The following LIPC variants were observed in gnomAD, a reference collection of about 807,000 sequenced individuals.
LIPC encodes the protein lipase C, hepatic type, also known as hepatic triacylglycerol lipase.
A neutral mutation model predicts 50.7 loss-of-function variants in LIPC; 44 were observed. That is an observed-to-expected ratio of 0.87 (90% CI 0.68 to 1.11). The LOEUF (loss-of-function observed/expected upper bound fraction) is 1.11, where lower values mean the gene tolerates loss of function less well. Among genes scored for constraint, LIPC ranks in the 50% most tolerant of loss-of-function variants. The pLI, the probability that LIPC is intolerant of heterozygous loss-of-function variation, is 0.00. For missense variants in LIPC, 697 were observed against 648.2 expected, an observed-to-expected ratio of 1.08 and a Z score of -0.82; for synonymous variants, 271 against 256.4, an observed-to-expected ratio of 1.06 and a Z score of -0.54.
chr15:58,505,864 C>T (rs983935995), intron 1 of LIPC, among the ~76,000 whole-genome samples: 8 of 152,160 alleles, frequency 5.3e-5, no homozygotes, highest in Admixed American at 1.3e-4. Context: ...ACTGCACTGA[C>T]GTGGCTGCAG....
intron 6 of LIPC, among the ~76,000 whole-genome samples, chr15:58,555,538 G>A (rs1425161854): frequency 1.3e-5 from 2 of 152,202 alleles, no homozygotes; most frequent in Non-Finnish European, 2.9e-5. Context: ...CTGCTCCACT[G>A]AACTATCTGG....
At chr15:58,494,832 C>G (rs1406174880) in intron 1 of LIPC, 2 of 456,140 alleles carry the variant, frequency 4.4e-6, no homozygotes, top group East Asian at 1.4e-4. Context: ...TGATCTGTTT[C>G]TTCATCTGAA....
intron 1 of LIPC, among the ~76,000 whole-genome samples, chr15:58,468,063 C>T (rs1894639814): frequency 6.6e-6 from 1 of 152,080 alleles, no homozygotes; most frequent in Non-Finnish European, 1.5e-5. Flanking sequence ...GTAAAATGCT[C>T]GGTACATGAT....
intron 1 of LIPC, among the ~76,000 whole-genome samples, chr15:58,442,544 T>C (rs1465891164): frequency 6.6e-6 from 1 of 152,236 alleles, no homozygotes; most frequent in African/African-American, 2.4e-5. Flanking sequence ...AACTCTTACA[T>C]TTCTTGAATT....
intron 1 of LIPC, among the ~76,000 whole-genome samples, chr15:58,447,290 A>G (rs1171026674): frequency 2.0e-5 from 3 of 151,938 alleles, no homozygotes; most frequent in Non-Finnish European, 2.9e-5. Context: ...CCCATCTACA[A>G]GTGGCCACTG....
chr15:58,553,051 C>G (rs1370103950), intron 6 of LIPC, among the ~76,000 whole-genome samples: 1 of 152,172 alleles, frequency 6.6e-6, no homozygotes, highest in Non-Finnish European at 1.5e-5. Context: ...AGCGACACTA[C>G]AAGAAAGTTC....
At chr15:58,525,228 A>G (rs1241822169) in intron 1 of LIPC, among the ~76,000 whole-genome samples, 1 of 152,222 alleles carries the variant, frequency 6.6e-6, no homozygotes, top group African/African-American at 2.4e-5. Flanking sequence ...AACCTGGCCA[A>G]TTTGAGAAGT....
At chr15:58,503,488 A>G (rs1382579715) in intron 1 of LIPC, among the ~76,000 whole-genome samples, 9 of 152,200 alleles carry the variant, frequency 5.9e-5, no homozygotes, top group Non-Finnish European at 1.2e-4. Flanking sequence ...CTGGGAGATG[A>G]GGACTTGGTC....
chr15:58,471,870 A>G (rs1336160823), intron 1 of LIPC, among the ~76,000 whole-genome samples: 1 of 152,126 alleles, frequency 6.6e-6, no homozygotes, highest in African/African-American at 2.4e-5. Flanking sequence ...ACCCCTCTCA[A>G]TGACCCTTGG....
chr15:58,486,993 C>T (rs2140792350), intron 1 of LIPC, among the ~76,000 whole-genome samples: 1 of 152,314 alleles, frequency 6.6e-6, no homozygotes, highest in South Asian at 2.1e-4. Flanking sequence ...CGGGGGCACA[C>T]TTCCCTCCTG....
chr15:58,494,505 A>T (rs1230534525), intron 1 of LIPC, among the ~76,000 whole-genome samples: 2 of 152,228 alleles, frequency 1.3e-5, no homozygotes, highest in African/African-American at 2.4e-5. Flanking sequence ...GGGCTTGGCA[A>T]TGCCTATGAA....
chr15:58,568,244 C>T (rs1168307665), intron 8 of LIPC, among the ~76,000 whole-genome samples: 2 of 152,116 alleles, frequency 1.3e-5, no homozygotes, highest in Non-Finnish European at 2.9e-5. Context: ...CAGGCAGAAA[C>T]CGATGACACT....
intron 1 of LIPC, among the ~76,000 whole-genome samples, chr15:58,503,363 G>A (rs1892049116): frequency 6.6e-6 from 1 of 152,184 alleles, no homozygotes; most frequent in South Asian, 2.1e-4. Context: ...AGGGGGCAGA[G>A]TCCAAGGTAG....
At position 58,538,470 on chromosome 15, in the gene LIPC, G is replaced by T. The variant is rs773742252; in HGVS notation, c.226G>T (p.Gly76Cys). ...INHPDTLQECGFNSSLPLVMI... is the reference protein window; with the variant it reads ...INHPDTLQECCFNSSLPLVMI... ...TCATCCGGACACGTTACAGGAGTGCGGCTTCAACTCCTCCCTGCCTCTGGT... is the reference window on the plus strand; with the variant it reads ...TCATCCGGACACGTTACAGGAGTGCTGCTTCAACTCCTCCCTGCCTCTGGT... The change falls in exon 2 of 9, where the codon GGC becomes TGC. Residue 76 changes from glycine to cysteine, a missense_variant. Physicochemically the swap from Gly to Cys is radical, Grantham distance 159 (BLOSUM62 -3). Transcript: ENST00000299022. 17 of 1,614,134 alleles carry T rather than the reference G, an allele frequency of 1.1e-5. No individual in the cohort carries two copies. In the African/African-American group the frequency reaches 1.6e-4, roughly 15 times the overall value.
At chr15:58,505,941 G>A (rs1892132890) in intron 1 of LIPC, among the ~76,000 whole-genome samples, 1 of 152,190 alleles carries the variant, frequency 6.6e-6, no homozygotes, top group South Asian at 2.1e-4. Flanking sequence ...CCTCACAAGA[G>A]GCGGCTGTTG....
At chr15:58,551,767 G>A (rs1374506941) in intron 6 of LIPC, among the ~76,000 whole-genome samples, 1 of 152,106 alleles carries the variant, frequency 6.6e-6, no homozygotes, top group Non-Finnish European at 1.5e-5. Context: ...ACATCTAATT[G>A]TACAATGTAT....
At chr15:58,518,790 G>GT (rs552027010) in intron 1 of LIPC, among the ~76,000 whole-genome samples, 87 of 152,234 alleles carry the variant, frequency 5.7e-4, no homozygotes, top group African/African-American at 2.1e-3. Context: ...ATGGAAGTCT[G>GT]AACAGTTACA....
intron 1 of LIPC, among the ~76,000 whole-genome samples, chr15:58,538,031 T>C (rs1037534873): frequency 1.3e-5 from 2 of 152,192 alleles, no homozygotes; most frequent in Admixed American, 1.3e-4. Context: ...CCACCGAGCC[T>C]CCAAAACTGC....
chr15:58,552,006 C>T (rs1893779282), intron 6 of LIPC, among the ~76,000 whole-genome samples: 1 of 152,170 alleles, frequency 6.6e-6, no homozygotes, highest in Admixed American at 6.5e-5. Context: ...GGCAATTTAT[C>T]GCCCACTTCC....
Sources: gnomAD v4.1 joint callset for allele counts (sites outside exome capture counted in the v4.1 genomes callset) on GRCh38, gnomAD v4.1.1 for gene constraint, MANE v1.5 for transcripts, NCBI Gene and HGNC (gene_info 2026-07-23, HGNC 2026-07-21) for gene names.